Variants in DOCK7 observed in about 807,000 individuals in gnomAD.
The protein encoded by DOCK7 is dedicator of cytokinesis 7.
Under a neutral mutation model 271.0 loss-of-function variants are expected in DOCK7, and 138 were observed. The observed-to-expected ratio is 0.51, with a 90% CI of 0.44 to 0.59. The LOEUF (loss-of-function observed/expected upper bound fraction) is 0.59. Among genes scored for constraint, DOCK7 ranks in the 20% least tolerant of loss-of-function variants. The probability of loss-of-function intolerance (pLI) is 0.00; values close to 1 mark genes in which losing one functional copy is unlikely to be tolerated. For synonymous variants in DOCK7, 823 were observed against 876.1 expected (o/e 0.94, Z 1.07); for missense variants, 2,066 against 2,592.4 (o/e 0.80, Z 4.41).
intron 18 of DOCK7, among the ~76,000 whole-genome samples, chr1:62,567,044 G>A (rs983848171): frequency 1.3e-5 from 2 of 152,014 alleles, no homozygotes; most frequent in Admixed American, 1.3e-4. Context: ...AAGTCAGAAA[G>A]CAACAGATGC....
intron 14 of DOCK7, chr1:62,606,151 A>T (rs574047038): frequency 6.6e-6 from 1 of 152,134 alleles, no homozygotes; most frequent in South Asian, 2.1e-4. Context: ...AGGTAAAAAT[A>T]ATCTATAATT....
chr1:62,593,593 C>A (rs1648778786), intron 14 of DOCK7, among the ~76,000 whole-genome samples: 1 of 151,934 alleles, frequency 6.6e-6, no homozygotes, highest in African/African-American at 2.4e-5. Context: ...AAGAAAAAAT[C>A]TTTACATGTC....
In DOCK7 at chr1:62,477,788, C is replaced by T. The variant is rs149245244; in HGVS notation, c.5546G>A (p.Gly1849Glu). 6.2e-7 allele frequency: 1 copy of T among 1,610,580 alleles called. No homozygotes were observed. Among genetic ancestry groups the T allele is most frequent in the African/African-American group, 1.3e-5 (1 of 74,834 alleles). Residue 1849 changes from glycine to glutamate, a missense_variant, in exon 44 of 50, where the codon GGA (glycine) becomes GAA (glutamate). Transcript: ENST00000635253. ...FGTYFRVGFY[G>E]TKFGDLDEQE... Reference sequence around the variant, plus strand: ...TTCATCCAAATCCCCGAACTTGGTTCCATAAAAACCAACACGAAAATAGGT... The same window carrying T: ...TTCATCCAAATCCCCGAACTTGGTTTCATAAAAACCAACACGAAAATAGGT...
At chr1:62,653,084 C>T (rs1050287466) in intron 4 of DOCK7, among the ~76,000 whole-genome samples, 3 of 152,178 alleles carry the variant, frequency 2.0e-5, no homozygotes, top group African/African-American at 4.8e-5. Context: ...ATCATATCTC[C>T]TTCAGAAAAA....
intron 14 of DOCK7, chr1:62,601,107 C>CCA: frequency 6.2e-7 from 1 of 1,607,114 alleles, no homozygotes; most frequent in Non-Finnish European, 8.5e-7. Flanking sequence ...ATTCAAGAAC[C>CCA]CACAGAAATT....
In DOCK7 at chr1:62,457,529, T is replaced by G. The variant is rs1645381441; in HGVS notation, c.6380+9A>C. 9.9e-6 allele frequency: 16 copies of G among 1,609,658 alleles called. No homozygotes were observed. The highest frequency in any genetic ancestry group is 1.4e-5 in the Non-Finnish European group (16 of 1,178,584). ...AAGAATATCTAAAACCACTTAAAAA[T>G]AAGCATACCTGTGGCAGGTGACAGG... On this transcript the variant is annotated intron_variant, in intron 49 of 49. Coordinates refer to ENST00000635253, the MANE Select transcript of DOCK7 (RefSeq NM_001367561.1).
chr1:62,635,030 C>T (rs1655083219), intron 8 of DOCK7, 108 bp from the exon 9 acceptor site: 1 of 577,746 alleles, frequency 1.7e-6, no homozygotes, highest in African/African-American at 1.9e-5. Flanking sequence ...TTCAATGAAA[C>T]AATAATCTGT....
At chr1:62,498,308 T>C (rs1646681441) in intron 37 of DOCK7, among the ~76,000 whole-genome samples, 2 of 152,168 alleles carry the variant, frequency 1.3e-5, no homozygotes, top group South Asian at 4.1e-4. Flanking sequence ...TCTAATTATG[T>C]ATGTGTCATT....
intron 7 of DOCK7, among the ~76,000 whole-genome samples, chr1:62,637,114 C>T (rs1655369685): frequency 6.6e-6 from 1 of 152,124 alleles, no homozygotes; most frequent in Admixed American, 6.5e-5. Flanking sequence ...ACTTGCCAAA[C>T]AAATTTTTTT....
At chr1:62,526,090 C>A (rs902716015) in intron 31 of DOCK7, among the ~76,000 whole-genome samples, 1 of 152,126 alleles carries the variant, frequency 6.6e-6, no homozygotes, top group African/African-American at 2.4e-5. Flanking sequence ...TAGGCACATG[C>A]CACCACGCCC....
chr1:62,537,449 A>C (rs1160955219), intron 28 of DOCK7, among the ~76,000 whole-genome samples: 2 of 151,934 alleles, frequency 1.3e-5, no homozygotes, highest in African/African-American at 4.8e-5. Flanking sequence ...AGCTGGGCAT[A>C]GTGGCGCACG....
intron 16 of DOCK7, among the ~76,000 whole-genome samples, chr1:62,582,068 T>C (rs1032957325): frequency 3.9e-5 from 6 of 152,108 alleles, no homozygotes; most frequent in Non-Finnish European, 8.8e-5. Context: ...ATCACTCCCC[T>C]TGAAACAGAA....
rs571511620 is a variant in DOCK7 at position 62,489,493 on chromosome 1, T to C, written c.5362-428A>G. Among the ~76,000 whole-genome samples, 237 of 152,286 alleles carry C rather than the reference T, an allele frequency of 1.6e-3. 1 individual carries two copies. The highest frequency in any genetic ancestry group is 3.0e-3 in the Non-Finnish European group (201 of 68,006). Reference sequence around the variant, plus strand: ...AATAATACCACTGAAATTTTTCCAATAGAAAATAAAAACAAATACTACTAA... The same window carrying C: ...AATAATACCACTGAAATTTTTCCAACAGAAAATAAAAACAAATACTACTAA... On this transcript the variant is annotated intron_variant, in intron 41 of 49. Coordinates refer to ENST00000635253, the MANE Select transcript of DOCK7 (RefSeq NM_001367561.1).
At chr1:62,670,948 GTAACA>G in intron 1 of DOCK7, among the ~76,000 whole-genome samples, 1 of 152,244 alleles carries the variant, frequency 6.6e-6, no homozygotes, top group South Asian at 2.1e-4. Context: ...TTTATGAGCT[GTAACA>G]CTCCCCGCGA....
At chr1:62,486,157 G>A (rs1327383687) in intron 43 of DOCK7, 5 of 152,040 alleles carry the variant, frequency 3.3e-5, no homozygotes, top group Non-Finnish European at 7.4e-5. Flanking sequence ...TGTCTTAACT[G>A]AGCCATAGGA....
rs371894094 is a variant in DOCK7 at position 62,539,634 on chromosome 1, T to C, written c.3211A>G (p.Asn1071Asp). The C allele has an allele frequency of 4.7e-5, 76 of 1,613,772 alleles. No individual in the cohort carries two copies. The highest frequency in any genetic ancestry group is 3.3e-4 in the Middle Eastern group (2 of 6,074). Residue 1071 changes from asparagine to aspartate, a missense_variant, in exon 27 of 50, where the codon AAT becomes GAT. Coordinates refer to ENST00000635253, the MANE Select transcript of DOCK7 (RefSeq NM_001367561.1). ...QKDTEMVERL[N>D]TSLAFFLNDL... The stretch of plus-strand genomic sequence containing the variant: ...TTGAGAAAGAATGCAAGGCTTGTAT[T>C]GAGTCTCTCAACCATTTCTGTGTCC...
intron 29 of DOCK7, among the ~76,000 whole-genome samples, chr1:62,531,183 C>T (rs1250978874): frequency 1.3e-5 from 2 of 152,152 alleles, no homozygotes; most frequent in Non-Finnish European, 2.9e-5. Context: ...TTGCTTTTCA[C>T]GTTCTCCTCT....
At chr1:62,585,161 T>TGCAATATTCAGTATGCA (rs1553177661) in intron 15 of DOCK7, among the ~76,000 whole-genome samples, 2 of 152,148 alleles carry the variant, frequency 1.3e-5, no homozygotes, top group Non-Finnish European at 2.9e-5. Flanking sequence ...TTATTCAGTA[T>TGCAATATTCAGTATGCA]GTATTATATG....
At chr1:62,546,937 C>T (rs978316911) in intron 22 of DOCK7, among the ~76,000 whole-genome samples, 2 of 152,080 alleles carry the variant, frequency 1.3e-5, no homozygotes, top group African/African-American at 4.8e-5. Flanking sequence ...TTTTTACAGT[C>T]ACTACTCATG....
Sources: allele counts gnomAD v4.1 joint callset (sites outside exome capture counted in the v4.1 genomes callset), GRCh38; gene constraint gnomAD v4.1.1; transcripts MANE v1.5; gene names NCBI Gene and HGNC (gene_info 2026-07-23, HGNC 2026-07-21).